Variants in HEATR5A observed in about 807,000 individuals in gnomAD.
HEATR5A encodes HEAT repeat-containing protein 5A.
A neutral mutation model predicts 218.8 loss-of-function variants in HEATR5A; 178 were observed. That is an observed-to-expected ratio of 0.81 (90% CI 0.72 to 0.92). The LOEUF is 0.92. HEATR5A is among the 40% of genes least tolerant of loss of function. HEATR5A has a pLI of 0.00. For synonymous variants in HEATR5A, 864 were observed against 871.6 expected, an observed-to-expected ratio of 0.99 and a Z score of 0.15; for missense variants, 2,420 against 2,418.9, an observed-to-expected ratio of 1.00 and a Z score of -0.01.
chr14:31,403,413 A>G (rs1041625896), intron 1 of HEATR5A, among the ~76,000 whole-genome samples: 9 of 152,252 alleles, frequency 5.9e-5, no homozygotes, highest in Non-Finnish European at 4.4e-5. Context: ...ACATATTAAC[A>G]AATGACACCA....
In HEATR5A at chr14:31,386,587, G is replaced by T. The variant is rs768241042; in HGVS notation, c.1190-12C>A. 7.0e-6 allele frequency: 11 copies of T among 1,564,120 alleles called. 1 individual carries two copies. In the South Asian group the frequency reaches 1.1e-4, roughly 16 times the overall value. On this transcript the variant is annotated splice_polypyrimidine_tract_variant and intron_variant, in intron 8 of 35. Transcript: ENST00000543095. ...ACTCATTACGGCATCTGATAGAAAT[G>T]CAAGAATTAACTATGCATAACCACT...
chr14:31,333,041 G>A (rs564031176), intron 22 of HEATR5A, among the ~76,000 whole-genome samples: 9 of 151,870 alleles, frequency 5.9e-5, no homozygotes, highest in Admixed American at 3.9e-4. Flanking sequence ...TGCAGAGCAA[G>A]GCCCTACCTC....
chr14:31,392,958 C>A (rs1283166436), intron 6 of HEATR5A, among the ~76,000 whole-genome samples: 1 of 152,124 alleles, frequency 6.6e-6, no homozygotes, highest in Admixed American at 6.6e-5. Context: ...ACTGCTCCAC[C>A]CTGGGTGGCA....
At chr14:31,372,402 T>G (rs1902070141) in intron 12 of HEATR5A, among the ~76,000 whole-genome samples, 1 of 152,206 alleles carries the variant, frequency 6.6e-6, no homozygotes, top group African/African-American at 2.4e-5. Context: ...GGTCTCGAAG[T>G]CCTGGCCTCA....
At chr14:31,329,888 T>C (rs1364272794) in intron 22 of HEATR5A, among the ~76,000 whole-genome samples, 1 of 152,188 alleles carries the variant, frequency 6.6e-6, no homozygotes, top group East Asian at 1.9e-4. Context: ...AATTTTTCTA[T>C]TTTTAGTAGA....
intron 16 of HEATR5A, among the ~76,000 whole-genome samples, chr14:31,354,009 C>T (rs1460266546): frequency 6.6e-6 from 1 of 151,928 alleles, no homozygotes; most frequent in Non-Finnish European, 1.5e-5. Context: ...CCGTGTTAAC[C>T]AGGATGGTCT....
intron 22 of HEATR5A, among the ~76,000 whole-genome samples, chr14:31,336,179 A>C: frequency 7.1e-6 from 1 of 140,158 alleles, no homozygotes. Flanking sequence ...GGGTCATGCC[A>C]TATTGCGCAG....
chr14:31,392,682 T>C (rs943750960), intron 6 of HEATR5A, among the ~76,000 whole-genome samples: 6 of 152,232 alleles, frequency 3.9e-5, no homozygotes, highest in Non-Finnish European at 8.8e-5. Flanking sequence ...GTCTAGTTAA[T>C]GTTCCAAATT....
At position 31,349,856 on chromosome 14, in the gene HEATR5A, C is replaced by T; in HGVS notation, c.2641G>A (p.Ala881Thr). ...TCATCTACCACTTGGGCTAATCTAG[C>T]CCATGACTCTGCAGCTGCACATCTC... Reference protein sequence around the residue: ...LLRCAAAESWARLAQVVDDGA... With the variant: ...LLRCAAAESWTRLAQVVDDGA... Residue 881 changes from alanine to threonine, a missense_variant, in exon 18 of 36, where the codon GCT (alanine) becomes ACT (threonine). Transcript: ENST00000543095. 1 of 1,613,136 alleles carries T rather than the reference C, an allele frequency of 6.2e-7. No individual in the cohort carries two copies. Among genetic ancestry groups the T allele is most frequent in the Non-Finnish European group, 8.5e-7 (1 of 1,179,260 alleles).
At chr14:31,341,663 C>T (rs747841680) in intron 21 of HEATR5A, among the ~76,000 whole-genome samples, 11 of 152,056 alleles carry the variant, frequency 7.2e-5, no homozygotes, top group African/African-American at 2.2e-4. Flanking sequence ...CCTCCCAAAG[C>T]GCTGGAACTA....
At chr14:31,330,746 G>A (rs1055283407) in intron 22 of HEATR5A, among the ~76,000 whole-genome samples, 20 of 151,430 alleles carry the variant, frequency 1.3e-4, no homozygotes, top group African/African-American at 3.9e-4. Context: ...AGCCAAGATT[G>A]CGCCACTGTG....
In HEATR5A at chr14:31,345,088, T is replaced by C; in HGVS notation, c.3057A>G (p.Gln1019=). The C allele has an allele frequency of 3.7e-6, 6 of 1,610,920 alleles. No homozygotes were observed. Among genetic ancestry groups the C allele is most frequent in the Non-Finnish European group, 5.1e-6 (6 of 1,179,030 alleles). The part of the protein sequence containing the change: ...ALITTLGPEL[Q]GNSTSISTLR... ...CATCACAAAAGCAGCTATGCACACC[T>C]TGTAGCTCTGGACCTAACGTGGTAA... Residue 1019 remains glutamine (Q), a splice_region_variant and synonymous_variant, in exon 20 of 36, where the codon CAA becomes CAG. Transcript: ENST00000543095.
In HEATR5A at chr14:31,388,817, G is replaced by T. The variant is rs750184734; in HGVS notation, c.933+28C>A. ...TTTCATTATAGGCCAGTAAGAGTTA[G>T]ACTGAGATACTGATTTGTGATTCCA... On this transcript the variant is annotated intron_variant, in intron 7 of 35. Coordinates refer to ENST00000543095, the MANE Select transcript of HEATR5A (RefSeq NM_015473.4). The T allele has an allele frequency of 3.1e-6, 5 of 1,592,054 alleles. 1 individual carries two copies. The South Asian group carries it at 5.5e-5, about 18-fold the overall frequency.
rs2030266263 is a variant in HEATR5A, at chr14:31,387,302, A to G, written c.1007T>C (p.Ile336Thr). 5.6e-6 allele frequency: 9 copies of G among 1,613,996 alleles called. No individual in the cohort carries two copies. The highest frequency in any genetic ancestry group is 6.8e-6 in the Non-Finnish European group (8 of 1,179,882). Residue 336 changes from isoleucine (I) to threonine (T), a missense_variant, in exon 8 of 36, where the codon ATC (isoleucine) becomes ACC (threonine). Coordinates refer to ENST00000543095, the MANE Select transcript of HEATR5A (RefSeq NM_015473.4). ...GTGTGACGGTGACGCAAGGCTTAGGATATGAGAAAAAAAGGCAGCAAAATT... is the reference window on the plus strand; with the variant it reads ...GTGTGACGGTGACGCAAGGCTTAGGGTATGAGAAAAAAAGGCAGCAAAATT... ...EKNFAAFFSH[I>T]LSLASPSHPK... is the part of the protein sequence containing the mutation.
rs960490213 is a variant in HEATR5A at position 31,388,897 on chromosome 14, A to G, written c.881T>C (p.Met294Thr). The change falls in exon 7 of 36, where the codon ATG (methionine) becomes ACG (threonine). Residue 294 changes from methionine (M) to threonine (T), a missense_variant. Transcript: ENST00000543095. Reference protein sequence around the residue: ...SSGFLRASGDMLKGTSSVSRD... With the variant: ...SSGFLRASGDTLKGTSSVSRD... ...ACTGACTGAACTGGTTCCTTTCAGCATATCTCCACTGGCTCGAAGGAATCC... is the reference window on the plus strand; with the variant it reads ...ACTGACTGAACTGGTTCCTTTCAGCGTATCTCCACTGGCTCGAAGGAATCC... 9.9e-6 allele frequency: 16 copies of G among 1,613,802 alleles called. No individual in the cohort carries two copies. The highest frequency in any genetic ancestry group is 1.6e-4 in the Middle Eastern group (1 of 6,084).
At chr14:31,360,372 T>C (rs1344675606) in intron 14 of HEATR5A, among the ~76,000 whole-genome samples, 1 of 152,220 alleles carries the variant, frequency 6.6e-6, no homozygotes, top group African/African-American at 2.4e-5. Flanking sequence ...GGTAGTTGTA[T>C]CTAGACGGGG....
chr14:31,388,362 T>C (rs1414050266), intron 7 of HEATR5A, among the ~76,000 whole-genome samples: 2 of 152,260 alleles, frequency 1.3e-5, no homozygotes, highest in Non-Finnish European at 2.9e-5. Context: ...ATTGTTAAGA[T>C]AACTCTTCCA....
chr14:31,294,803 T>C (rs537780156), intron 34 of HEATR5A, among the ~76,000 whole-genome samples: 1 of 152,282 alleles, frequency 6.6e-6, no homozygotes, highest in South Asian at 2.1e-4. Flanking sequence ...ATTTTGTTGA[T>C]TTCAGAAAAT....
intron 4 of HEATR5A, among the ~76,000 whole-genome samples, chr14:31,397,432 T>A (rs1452466037): frequency 6.6e-6 from 1 of 151,856 alleles, no homozygotes; most frequent in Non-Finnish European, 1.5e-5. Context: ...CCGAGGCAGC[T>A]GGATCATTTG....
Sources: gnomAD v4.1 joint callset for allele counts (sites outside exome capture counted in the v4.1 genomes callset) on GRCh38, gnomAD v4.1.1 for gene constraint, MANE v1.5 for transcripts, NCBI Gene and HGNC (gene_info 2026-07-23, HGNC 2026-07-21) for gene names.